The following COMMD1 variants were observed in gnomAD, a reference collection of about 807,000 sequenced individuals.
COMMD1 encodes COMM domain-containing protein 1.
Under a neutral mutation model 17.2 loss-of-function variants are expected in COMMD1, and 10 were observed. That is an observed-to-expected ratio of 0.58 (90% CI 0.36 to 0.99). The LOEUF (loss-of-function observed/expected upper bound fraction) is 0.99, where lower values mean the gene tolerates loss of function less well. COMMD1 is among the 50% of genes least tolerant of loss of function. The pLI, the probability that COMMD1 is intolerant of heterozygous loss-of-function variation, is 0.01. For missense variants in COMMD1, 270 were observed against 231.8 expected, an observed-to-expected ratio of 1.17 and a Z score of -1.07; for synonymous variants, 97 against 91.6, an observed-to-expected ratio of 1.06 and a Z score of -0.34.
upstream of COMMD1, among the ~76,000 whole-genome samples, chr2:61,901,041 G>T (rs901379178): frequency 1.3e-5 from 2 of 151,954 alleles, no homozygotes; most frequent in African/African-American, 4.8e-5. Flanking sequence ...CCACCTCCTG[G>T]GTTCAAGCAA....
At chr2:61,966,836 GTCCTGTTTTTGCC>G (rs1671517323) in intron 1 of COMMD1, among the ~76,000 whole-genome samples, 1 of 151,374 alleles carries the variant, frequency 6.6e-6, no homozygotes, top group African/African-American at 2.4e-5. Context: ...TGTGTAATTA[GTCCTGTTTTTGCC>G]ACCTGTGATA....
chr2:62,081,332 A>G (rs1157921750), intron 2 of COMMD1, among the ~76,000 whole-genome samples: 1 of 151,028 alleles, frequency 6.6e-6, no homozygotes, highest in Non-Finnish European at 1.5e-5. Flanking sequence ...GCTCACTGCA[A>G]CCTCCGCCTC....
At chr2:61,947,945 A>T (rs1371265621) in intron 1 of COMMD1, among the ~76,000 whole-genome samples, 1 of 152,044 alleles carries the variant, frequency 6.6e-6, no homozygotes, top group Non-Finnish European at 1.5e-5. Flanking sequence ...TAAATTTATG[A>T]TCTTAAACAT....
chr2:61,965,609 C>T (rs1671485310), intron 1 of COMMD1, among the ~76,000 whole-genome samples: 1 of 152,134 alleles, frequency 6.6e-6, no homozygotes, highest in Non-Finnish European at 1.5e-5. Flanking sequence ...GTACATGACC[C>T]AGAAAAACCT....
intron 1 of COMMD1, among the ~76,000 whole-genome samples, chr2:61,907,018 A>ACATG (rs1669791152): frequency 6.6e-6 from 1 of 152,250 alleles, no homozygotes; most frequent in Non-Finnish European, 1.5e-5. Context: ...ATGGAAATGT[A>ACATG]AGGAGTAATA....
At chr2:61,987,071 A>G (rs141742551) in intron 1 of COMMD1, among the ~76,000 whole-genome samples, 2 of 152,282 alleles carry the variant, frequency 1.3e-5, no homozygotes, top group East Asian at 1.9e-4. Flanking sequence ...CATCTGAAAG[A>G]TTCTGAATTC....
At chr2:62,083,305 G>C (rs1284146566) in intron 2 of COMMD1, among the ~76,000 whole-genome samples, 1 of 152,110 alleles carries the variant, frequency 6.6e-6, no homozygotes, top group African/African-American at 2.4e-5. Context: ...AATATTTCAG[G>C]CTTTGTGTGC....
intron 2 of COMMD1, among the ~76,000 whole-genome samples, chr2:62,103,600 T>C (rs1483711557): frequency 6.6e-6 from 1 of 152,224 alleles, no homozygotes; most frequent in African/African-American, 2.4e-5. Flanking sequence ...TGCTTTCAAC[T>C]TTTAGTTAAA....
At position 62,045,628 on chromosome 2, in the gene COMMD1, C is replaced by T. The variant is rs527473626; in HGVS notation, c.462+44646C>T. Among the ~76,000 whole-genome samples the T allele has an allele frequency of 2.0e-5, 3 of 151,634 alleles. No homozygotes were observed. The East Asian group carries it at 5.8e-4, about 29-fold the overall frequency. On this transcript the variant is annotated intron_variant, in intron 2 of 2. Transcript: ENST00000311832. ...TGTTGGCCAGGCTGGTCTCAAACTC[C>T]CGACCTCAAGGGATCTGCCTGCCTC... is the stretch of plus-strand genomic sequence containing the variant.
intron 2 of COMMD1, among the ~76,000 whole-genome samples, chr2:62,123,040 A>G (rs1672789881): frequency 6.6e-6 from 1 of 152,132 alleles, no homozygotes; most frequent in Non-Finnish European, 1.5e-5. Context: ...CTTGATGTCT[A>G]GCAGCCTTGG....
At chr2:62,103,712 A>G (rs755805092) in intron 2 of COMMD1, among the ~76,000 whole-genome samples, 1 of 152,226 alleles carries the variant, frequency 6.6e-6, no homozygotes, top group Non-Finnish European at 1.5e-5. Context: ...TGCTTCACAG[A>G]TCATAAAAGC....
chr2:62,130,978 T>C (rs896207873), intron 2 of COMMD1, among the ~76,000 whole-genome samples: 2 of 152,202 alleles, frequency 1.3e-5, no homozygotes, highest in African/African-American at 4.8e-5. Flanking sequence ...GTAAGTTTCC[T>C]GAGGAGTGTT....
At chr2:61,950,024 A>G (rs1459540870) in intron 1 of COMMD1, among the ~76,000 whole-genome samples, 1 of 152,234 alleles carries the variant, frequency 6.6e-6, no homozygotes, top group East Asian at 1.9e-4. Flanking sequence ...GAAGGAAAGG[A>G]TCTATTATAA....
At chr2:62,075,119 C>T (rs1671306491) in intron 2 of COMMD1, among the ~76,000 whole-genome samples, 3 of 151,962 alleles carry the variant, frequency 2.0e-5, no homozygotes, top group Admixed American at 2.0e-4. Flanking sequence ...AAACCCCTGA[C>T]CTCAGGTGAT....
chr2:62,036,683 A>C (rs1670047636), intron 2 of COMMD1, among the ~76,000 whole-genome samples: 1 of 152,150 alleles, frequency 6.6e-6, no homozygotes, highest in Admixed American at 6.5e-5. Context: ...ATCAGTTCTA[A>C]TGTTCGTGAT....
intron 2 of COMMD1, among the ~76,000 whole-genome samples, chr2:62,133,630 G>C (rs1222807762): frequency 6.6e-6 from 1 of 152,106 alleles, no homozygotes; most frequent in East Asian, 1.9e-4. Flanking sequence ...GATAAATTGT[G>C]GAGAGAAGTG....
At chr2:61,961,959 C>T (rs183844812) in intron 1 of COMMD1, among the ~76,000 whole-genome samples, 1 of 152,214 alleles carries the variant, frequency 6.6e-6, no homozygotes, top group East Asian at 1.9e-4. Context: ...AAAAAACTCC[C>T]TGAATTGTTT....
intron 1 of COMMD1, among the ~76,000 whole-genome samples, chr2:61,998,280 TCTCA>T (rs1668823121): frequency 1.4e-5 from 2 of 143,782 alleles, no homozygotes; most frequent in Admixed American, 7.4e-5. Flanking sequence ...TGAGAGAGAG[TCTCA>T]CTCTGTCCTC....
intron 1 of COMMD1, among the ~76,000 whole-genome samples, chr2:62,000,467 G>A (rs959517205): frequency 2.6e-5 from 4 of 151,226 alleles, no homozygotes; most frequent in Non-Finnish European, 5.9e-5. Flanking sequence ...GCTAATTTTT[G>A]TAGTTTTAGT....
Sources: allele counts gnomAD v4.1 joint callset (sites outside exome capture counted in the v4.1 genomes callset), GRCh38; gene constraint gnomAD v4.1.1; transcripts MANE v1.5; gene names NCBI Gene and HGNC (gene_info 2026-07-23, HGNC 2026-07-21).